The following ZNF679 variants were observed in gnomAD, a reference collection of about 807,000 sequenced individuals.
The protein encoded by ZNF679 is zinc finger protein 679, also known as hypothetical protein MGC42415.
ZNF679 carries 10 observed loss-of-function variants against 13.4 expected under a neutral mutation model. The observed-to-expected ratio is 0.75, with a 90% CI of 0.46 to 1.27. ZNF679 has a LOEUF of 1.27. ZNF679 is among the 50% of genes most tolerant of loss of function. The pLI is 0.00. For missense variants in ZNF679, 525 were observed against 477.8 expected (o/e 1.10, Z -0.92); for synonymous variants, 179 against 162.5 (o/e 1.10, Z -0.77).
At chr7:64,258,488 G>A (rs1249248557) in intron 2 of ZNF679, among the ~76,000 whole-genome samples, 2 of 151,470 alleles carry the variant, frequency 1.3e-5, no homozygotes, top group Admixed American at 6.6e-5. Flanking sequence ...GGATCAAAAG[G>A]TCAGGAGTTC....
chr7:64,261,401 T>C (rs556361747), intron 4 of ZNF679, among the ~76,000 whole-genome samples: 1 of 152,268 alleles, frequency 6.6e-6, no homozygotes, highest in South Asian at 2.1e-4. Context: ...AAGGTTTTTT[T>C]ACAACTTTTT....
At position 64,230,390 on chromosome 7, in the gene ZNF679, G is replaced by A. The variant is rs923806493; in HGVS notation, c.-91+1738G>A. ...CTACTAAAAATACAAAAAATTAGCC[G>A]GGCGCGGTGGCGGGCGCCTGTAGTC... On this transcript the variant is annotated intron_variant, in intron 1 of 4. Transcript: ENST00000421025. Among the ~76,000 whole-genome samples the A allele has an allele frequency of 1.1e-4, 17 of 151,834 alleles. 1 individual carries two copies. Among genetic ancestry groups the A allele is most frequent in the Admixed American group, 2.6e-4 (4 of 15,258 alleles).
intron 4 of ZNF679, among the ~76,000 whole-genome samples, chr7:64,264,137 G>T (rs1788112815): frequency 6.6e-6 from 1 of 151,484 alleles, no homozygotes; most frequent in African/African-American, 2.4e-5. Flanking sequence ...ATCAATCTTT[G>T]TCTCATGCTA....
intron 1 of ZNF679, among the ~76,000 whole-genome samples, chr7:64,236,627 A>G (rs548383375): frequency 1.3e-5 from 2 of 152,114 alleles, no homozygotes; most frequent in Non-Finnish European, 1.5e-5. Flanking sequence ...TCTTAAAAAT[A>G]CAAAAATTAG....
At chr7:64,240,580 T>C (rs1006305156) in intron 1 of ZNF679, among the ~76,000 whole-genome samples, 13 of 151,902 alleles carry the variant, frequency 8.6e-5, no homozygotes, top group African/African-American at 3.2e-4. Context: ...GCTGATAGAA[T>C]TGTCACCCTC....
At chr7:64,259,801 G>A (rs988929279) in intron 2 of ZNF679, among the ~76,000 whole-genome samples, 1 of 152,014 alleles carries the variant, frequency 6.6e-6, no homozygotes, top group Non-Finnish European at 1.5e-5. Flanking sequence ...GGTGGCTCAC[G>A]CCTGTAGTCC....
At chr7:64,259,360 G>A (rs1788045516) in intron 2 of ZNF679, among the ~76,000 whole-genome samples, 1 of 152,122 alleles carries the variant, frequency 6.6e-6, no homozygotes, top group Non-Finnish European at 1.5e-5. Flanking sequence ...ATTTTTACTG[G>A]GGAAACACAG....
chr7:64,243,717 C>T (rs775247373), intron 1 of ZNF679, among the ~76,000 whole-genome samples: 10 of 152,134 alleles, frequency 6.6e-5, no homozygotes, highest in Non-Finnish European at 1.3e-4. Context: ...ATTTCACAAT[C>T]TAAACTGTAG....
In ZNF679 at chr7:64,266,325, A is replaced by G; in HGVS notation, c.692A>G (p.Lys231Arg). 1.2e-6 allele frequency: 2 copies of G among 1,612,992 alleles called. No individual in the cohort carries two copies. The highest frequency in any genetic ancestry group is 1.7e-6 in the Non-Finnish European group (2 of 1,179,532). The change falls in exon 5 of 5, where the codon AAA becomes AGA. Residue 231 changes from lysine (K) to arginine (R), a missense_variant. By Grantham distance (26) the Lys-to-Arg change is conservative. Transcript: ENST00000421025. ...TGCTCTTCAACCCTTTCTAAACATA[A>G]AAGAATTCATACTGGAGAGAAACCC... ...FNCSSTLSKH[K>R]RIHTGEKPYR...
chr7:64,238,251 A>G (rs1360792865), intron 1 of ZNF679, among the ~76,000 whole-genome samples: 1 of 152,028 alleles, frequency 6.6e-6, no homozygotes, highest in Non-Finnish European at 1.5e-5. Flanking sequence ...TCTCTATTGC[A>G]TTGATTTTTC....
chr7:64,263,583 A>G (rs1001762440), intron 4 of ZNF679, among the ~76,000 whole-genome samples: 4 of 152,120 alleles, frequency 2.6e-5, no homozygotes, highest in Non-Finnish European at 5.9e-5. Flanking sequence ...TCCCTCATGA[A>G]TGACTTGGTA....
rs1475012159 is a variant in ZNF679, at chr7:64,260,253, A to C, written c.72A>C (p.Glu24Asp). The C allele has an allele frequency of 4.3e-6, 7 of 1,610,040 alleles. No homozygotes were observed. The highest frequency in any genetic ancestry group is 5.9e-6 in the Non-Finnish European group (7 of 1,179,020). ...TGACATTCAGAGATGTAGTCATAGA[A>C]TTCTCTCTGGAGGAGTGGCAATGCC... Reference protein sequence around the residue: ...GLLTFRDVVIEFSLEEWQCLD... With the variant: ...GLLTFRDVVIDFSLEEWQCLD... The change falls in exon 3 of 5, where the codon GAA (glutamate) becomes GAC (aspartate). Residue 24 changes from glutamate (E) to aspartate (D), a missense_variant. Glu to Asp is a conservative substitution (Grantham distance 45). Coordinates refer to ENST00000421025, the MANE Select transcript of ZNF679 (RefSeq NM_153363.3).
chr7:64,252,803 C>T (rs980457101), intron 2 of ZNF679, among the ~76,000 whole-genome samples: 2 of 152,194 alleles, frequency 1.3e-5, no homozygotes, highest in East Asian at 1.9e-4. Flanking sequence ...CTGCAACCTC[C>T]GAAAACTGGG....
At chr7:64,261,694 A>G (rs1788079203) in intron 4 of ZNF679, among the ~76,000 whole-genome samples, 1 of 152,128 alleles carries the variant, frequency 6.6e-6, no homozygotes, top group Non-Finnish European at 1.5e-5. Context: ...GAAAAAATTT[A>G]TATTGGCTAT....
At chr7:64,238,184 A>G (rs182404318) in intron 1 of ZNF679, among the ~76,000 whole-genome samples, 2 of 152,028 alleles carry the variant, frequency 1.3e-5, no homozygotes, top group Non-Finnish European at 2.9e-5. Context: ...GTCTGAGCAA[A>G]CATACAACTC....
chr7:64,252,455 G>C (rs1422367531), intron 2 of ZNF679, among the ~76,000 whole-genome samples: 2 of 152,278 alleles, frequency 1.3e-5, no homozygotes, highest in East Asian at 3.9e-4. Flanking sequence ...TTGTTTTTCA[G>C]AGTGAGCATA....
At chr7:64,236,222 G>T (rs1323383195) in intron 1 of ZNF679, among the ~76,000 whole-genome samples, 1 of 152,076 alleles carries the variant, frequency 6.6e-6, no homozygotes, top group Non-Finnish European at 1.5e-5. Flanking sequence ...CTGAGATTGA[G>T]CCATCGCACT....
intron 4 of ZNF679, among the ~76,000 whole-genome samples, chr7:64,262,614 A>G (rs889815644): frequency 2.6e-5 from 4 of 152,244 alleles, no homozygotes; most frequent in Admixed American, 2.6e-4. Flanking sequence ...GTGGCAGATT[A>G]TTTGCTCATA....
At chr7:64,259,201 C>T (rs1246565573) in intron 2 of ZNF679, among the ~76,000 whole-genome samples, 6 of 152,094 alleles carry the variant, frequency 3.9e-5, no homozygotes, top group South Asian at 2.1e-4. Flanking sequence ...CGTGAGCTAC[C>T]GTGCCTGGCC....
Sources: allele counts gnomAD v4.1 joint callset (sites outside exome capture counted in the v4.1 genomes callset), GRCh38; gene constraint gnomAD v4.1.1; transcripts MANE v1.5; gene names NCBI Gene and HGNC (gene_info 2026-07-23, HGNC 2026-07-21).